The following ZNF121 variants were observed in gnomAD, a reference collection of about 807,000 sequenced individuals.
ZNF121 encodes the protein zinc finger protein 121, also known as zinc finger protein 121 (clone ZHC32).
A neutral mutation model predicts 2.4 loss-of-function variants in ZNF121; 1 was observed. That is an observed-to-expected ratio of 0.41 (90% CI 0.15 to 1.94). The LOEUF (loss-of-function observed/expected upper bound fraction) is 1.94. Ranked by LOEUF, ZNF121 falls within the 30% of genes most tolerant of loss-of-function variation. ZNF121 has a pLI of 0.30. For synonymous variants in ZNF121, 173 were observed against 158.6 expected (o/e 1.09, Z -0.68); for missense variants, 369 against 466.3 (o/e 0.79, Z 1.92).
At chr19:9,571,215 G>A (rs971190188) in intron 1 of ZNF121, among the ~76,000 whole-genome samples, 40 of 152,264 alleles carry the variant, frequency 2.6e-4, no homozygotes, top group African/African-American at 8.7e-4. Context: ...AAATGAACAC[G>A]GTTGTGTTCT....
Position 9,584,468 on chromosome 19 carries a change from AG to A in ZNF121, c.-168del, listed in dbSNP as rs893389678. ...CAAGCAGGCGGAACTCACCACAGCCAGGGTGGACTCCACCACGATAAAGGCG... is the reference window on the plus strand; with the variant it reads ...CAAGCAGGCGGAACTCACCACAGCCAGGTGGACTCCACCACGATAAAGGCG... On this transcript the variant is annotated 5_prime_UTR_variant, in exon 1 of 4. Transcript: ENST00000320451. 3.3e-5 allele frequency: 5 copies of A among 152,336 alleles called. No homozygotes were observed. The highest frequency in any genetic ancestry group is 1.2e-4 in the African/African-American group (5 of 41,478). The allele number at this position is 152,336 out of a possible 1,614,324, so 9.4% of individuals were successfully genotyped here. A position where few individuals can be genotyped will look rare whatever the true frequency, so the allele number is the denominator to read the frequency against.
At chr19:9,570,752 G>T (rs920169857) in intron 1 of ZNF121, among the ~76,000 whole-genome samples, 1 of 151,470 alleles carries the variant, frequency 6.6e-6, no homozygotes, top group South Asian at 2.1e-4. Context: ...GAGGGGGGGG[G>T]GTATTTTTAG....
Position 9,561,267 on chromosome 19 carries a change from G to C in ZNF121, c.*4673C>G, listed in dbSNP as rs1469246142. The C allele has an allele frequency of 6.6e-6, 1 of 152,134 alleles. No individual in the cohort carries two copies. Among genetic ancestry groups the C allele is most frequent in the East Asian group, 1.9e-4 (1 of 5,200 alleles). The allele number at this position is 152,134 out of a possible 1,614,324, so 9.4% of individuals were successfully genotyped here. ...ACACAGAGACTGCAGCTTCTAAATA[G>C]TATTCTCCATTAAAATAAATTACAT... On this transcript the variant is annotated 3_prime_UTR_variant, in exon 4 of 4. Coordinates refer to ENST00000320451, the MANE Select transcript of ZNF121 (RefSeq NM_001008727.5).
At chr19:9,574,609 C>T (rs763560242) in intron 1 of ZNF121, among the ~76,000 whole-genome samples, 1 of 152,176 alleles carries the variant, frequency 6.6e-6, no homozygotes, top group Non-Finnish European at 1.5e-5. Context: ...TGGAACCTCA[C>T]ATTTTGTACT....
In ZNF121 at chr19:9,561,459, T is replaced by C. The variant is rs927899913; in HGVS notation, c.*4481A>G. 6.6e-6 allele frequency: 1 copy of C among 152,190 alleles called. No homozygotes were observed. Among genetic ancestry groups the C allele is most frequent in the African/African-American group, 2.4e-5 (1 of 41,452 alleles). 9.4% of individuals were successfully genotyped at this position (152,190 alleles called of 1,614,324 possible). A position where few individuals can be genotyped will look rare whatever the true frequency, so the allele number is the denominator to read the frequency against. On this transcript the variant is annotated 3_prime_UTR_variant, in exon 4 of 4. Transcript: ENST00000320451. ...AAAAATATGTGCATCAAATTTACAG[T>C]AGCTAACTACACCCCATAGATTAAG... is the stretch of plus-strand genomic sequence containing the variant.
At chr19:9,573,064 A>T (rs967096165) in intron 1 of ZNF121, among the ~76,000 whole-genome samples, 15 of 152,130 alleles carry the variant, frequency 9.9e-5, no homozygotes, top group African/African-American at 3.4e-4. Flanking sequence ...TAAAAACCAC[A>T]AGCCAGACAA....
rs1422073206 is a variant in ZNF121, at chr19:9,562,503, G to C, written c.*3437C>G. On this transcript the variant is annotated 3_prime_UTR_variant, in exon 4 of 4. Transcript: ENST00000320451. ...GATGTTCCTATTTTAATTGTTTTGG[G>C]GTACCACAAACCACAACCTTCGAAG... 1 of 196,552 alleles carries C rather than the reference G, an allele frequency of 5.1e-6. No individual in the cohort carries two copies. Among genetic ancestry groups the C allele is most frequent in the Non-Finnish European group, 1.2e-5 (1 of 85,280 alleles). 12.2% of individuals were successfully genotyped at this position (196,552 alleles called of 1,614,324 possible). A position where few individuals can be genotyped will look rare whatever the true frequency, so the allele number is the denominator to read the frequency against.
At chr19:9,583,983 T>C (rs149776055) in intron 1 of ZNF121, among the ~76,000 whole-genome samples, 2 of 152,256 alleles carry the variant, frequency 1.3e-5, no homozygotes, top group East Asian at 1.9e-4. Flanking sequence ...AAAATAAGAA[T>C]AGGACATCAA....
Position 9,565,387 on chromosome 19 carries a change from A to AAAAAAAAAAAAAAT in ZNF121, c.*552_*553insATTTTTTTTTTTTT, listed in dbSNP as rs1369472195. On this transcript the variant is annotated 3_prime_UTR_variant, in exon 4 of 4. Coordinates refer to ENST00000320451, the MANE Select transcript of ZNF121 (RefSeq NM_001008727.5). ...AAAAAAAAAAAAAAAAAAAAAAAAA[A>AAAAAAAAAAAAAAT]GGCCAGGAGCAGTGGCTCACTCCTA... is the stretch of plus-strand genomic sequence containing the variant. 2 of 139,724 alleles carry AAAAAAAAAAAAAAT rather than the reference A, an allele frequency of 1.4e-5. No individual in the cohort carries two copies. The highest frequency in any genetic ancestry group is 7.6e-5 in the Admixed American group (1 of 13,122). 8.7% of individuals were successfully genotyped at this position (139,724 alleles called of 1,614,324 possible). A position where few individuals can be genotyped will look rare whatever the true frequency, so the allele number is the denominator to read the frequency against.
intron 2 of ZNF121, 55 bp from the exon 3 acceptor site, chr19:9,568,230 G>T: frequency 1.3e-6 from 1 of 776,890 alleles, no homozygotes; most frequent in South Asian, 2.6e-5. Context: ...CAAAACAGTA[G>T]GTTAAATAAG....
chr19:9,567,695 G>C (rs1372350626), intron 3 of ZNF121: 4 of 336,534 alleles, frequency 1.2e-5, no homozygotes, highest in African/African-American at 6.3e-5. Context: ...CCTGCAACTA[G>C]ACAGTCCCAT....
At position 9,564,070 on chromosome 19, in the gene ZNF121, C is replaced by T; in HGVS notation, c.*1870G>A. The T allele has an allele frequency of 6.6e-6, 1 of 152,156 alleles. No individual in the cohort carries two copies. Among genetic ancestry groups the T allele is most frequent in the East Asian group, 1.9e-4 (1 of 5,198 alleles). 9.4% of individuals were successfully genotyped at this position (152,156 alleles called of 1,614,324 possible). A position where few individuals can be genotyped will look rare whatever the true frequency, so the allele number is the denominator to read the frequency against. ...TTCAAGTCTTATTATTTAAGAAATACATTTCATAAGGCTATAGCTGCCACT... is the reference window on the plus strand; with the variant it reads ...TTCAAGTCTTATTATTTAAGAAATATATTTCATAAGGCTATAGCTGCCACT... On this transcript the variant is annotated 3_prime_UTR_variant, in exon 4 of 4. Coordinates refer to ENST00000320451, the MANE Select transcript of ZNF121 (RefSeq NM_001008727.5).
Position 9,582,764 on chromosome 19 carries a change from A to C in ZNF121, c.-160+1697T>G, listed in dbSNP as rs966742422. The stretch of plus-strand genomic sequence containing the variant: ...ACTCTGTCTCAAAAAAAAAAAAAAA[A>C]AAACTACTAGACTGGGTGTGTTAGA... On this transcript the variant is annotated intron_variant, in intron 1 of 3. Transcript: ENST00000320451. Among the ~76,000 whole-genome samples the C allele has an allele frequency of 5.3e-5, 8 of 151,962 alleles. No homozygotes were observed. The East Asian group carries it at 1.4e-3, about 26-fold the overall frequency.
chr19:9,570,508 T>C (rs1453231199), intron 1 of ZNF121, among the ~76,000 whole-genome samples: 1 of 152,194 alleles, frequency 6.6e-6, no homozygotes, highest in East Asian at 1.9e-4. Context: ...TTCTCCTTCA[T>C]AGGACAGGTA....
At chr19:9,580,032 C>T (rs1200973874) in intron 1 of ZNF121, among the ~76,000 whole-genome samples, 1 of 152,054 alleles carries the variant, frequency 6.6e-6, no homozygotes, top group Non-Finnish European at 1.5e-5. Context: ...GTGGCTCACA[C>T]CTGTTATCCC....
At chr19:9,577,870 A>T (rs2074222172) in intron 1 of ZNF121, among the ~76,000 whole-genome samples, 1 of 151,942 alleles carries the variant, frequency 6.6e-6, no homozygotes, top group African/African-American at 2.4e-5. Flanking sequence ...AACATGATGA[A>T]ACCCCGTCTC....
intron 1 of ZNF121, among the ~76,000 whole-genome samples, chr19:9,570,015 C>T (rs1171663741): frequency 6.6e-6 from 1 of 151,642 alleles, no homozygotes; most frequent in Non-Finnish European, 1.5e-5. Context: ...TCGCTCACTA[C>T]AACCTCTGCC....
chr19:9,563,213 A>G lies in ZNF121; in HGVS notation c.*2727T>C, dbSNP rs976845214. On this transcript the variant is annotated 3_prime_UTR_variant, in exon 4 of 4. Transcript: ENST00000320451. ...AAAACAGCCTCACCACTAACACGGA[A>G]TAAGTTTTAGTGGTCTGGATAGAAG... is the stretch of plus-strand genomic sequence containing the variant. 1.3e-5 allele frequency: 2 copies of G among 152,160 alleles called. No individual in the cohort carries two copies. The highest frequency in any genetic ancestry group is 6.5e-5 in the Admixed American group (1 of 15,270). The allele number at this position is 152,160 out of a possible 1,614,324, so 9.4% of individuals were successfully genotyped here.
In ZNF121 at chr19:9,566,047, G is replaced by C. The variant is rs2074129451; in HGVS notation, c.1066C>G (p.Gln356Glu). 1 of 1,610,780 alleles carries C rather than the reference G, an allele frequency of 6.2e-7. No individual in the cohort carries two copies. Among genetic ancestry groups the C allele is most frequent in the Non-Finnish European group, 8.5e-7 (1 of 1,178,624 alleles). ...CCAGTGTGAATTCTAACATGTTTCT[G>C]TAGATGTGAAGAAGCACGGAAGGTT... ...GKTFRASSHL[Q>E]KHVRIHTGEK... Residue 356 changes from glutamine to glutamate, a missense_variant, in exon 4 of 4, where the codon CAG (glutamine) becomes GAG (glutamate). Gln to Glu is a conservative substitution (Grantham distance 29, BLOSUM62 2). This residue lies in a region of ZNF121 where 127 missense variants were observed against 169.9 expected (regional missense o/e 0.75). Transcript: ENST00000320451.
Sources: gnomAD v4.1 joint callset for allele counts (sites outside exome capture counted in the v4.1 genomes callset) on GRCh38, gnomAD v4.1.1 for gene constraint, gnomAD v4.1.1 regional missense constraint, MANE v1.5 for transcripts, NCBI Gene and HGNC (gene_info 2026-07-23, HGNC 2026-07-21) for gene names.